UPRT: variants seen among roughly 807,000 people sequenced by gnomAD.
The protein encoded by UPRT is uracil phosphoribosyltransferase homolog.
In UPRT, 5 loss-of-function variants were observed where a neutral mutation model predicts 22.6. The observed-to-expected ratio is 0.22, with a 90% CI of 0.12 to 0.47. The LOEUF is 0.47. Among genes scored for constraint, UPRT ranks in the 20% least tolerant of loss-of-function variants. UPRT has a pLI of 0.99. For missense variants in UPRT, 181 were observed against 239.9 expected, an observed-to-expected ratio of 0.75 and a Z score of 1.62; for synonymous variants, 77 against 87.7, an observed-to-expected ratio of 0.88 and a Z score of 0.68.
intron 4 of UPRT, among the ~76,000 whole-genome samples, chrX:75,212,205 C>T (rs1009335671): frequency 1.8e-5 from 2 of 112,447 alleles, no homozygotes; most frequent in African/African-American, 6.5e-5. Flanking sequence ...CTACAGAACT[C>T]TTTATCCAAA....
chrX:75,241,848 C>T (rs905950461), intron 4 of UPRT, among the ~76,000 whole-genome samples: 2 of 110,062 alleles, frequency 1.8e-5, no homozygotes, highest in Non-Finnish European at 1.9e-5. Flanking sequence ...TATATTCTCA[C>T]TTATAATTGG....
At chrX:75,286,710 G>C (rs777420785) in intron 1 of UPRT, among the ~76,000 whole-genome samples, 13 of 111,684 alleles carry the variant, frequency 1.2e-4, no homozygotes, top group South Asian at 3.8e-4. Context: ...GGAGTCACAG[G>C]GAGAGAAGTA....
intron 6 of UPRT, 61 bp from the exon 7 acceptor site, chrX:75,303,344 T>A (rs2082750838): frequency 3.3e-6 from 3 of 912,609 alleles, no homozygotes; most frequent in Non-Finnish European, 4.7e-6. Context: ...ACTACAAAAT[T>A]CCTGAATTAC....
intron 4 of UPRT, among the ~76,000 whole-genome samples, chrX:75,171,651 G>T (rs867189227): frequency 6.9e-5 from 7 of 101,648 alleles, no homozygotes; most frequent in African/African-American, 2.5e-4. Flanking sequence ...AAAGAAGGTT[G>T]TTTTTTTTTT....
intron 4 of UPRT, among the ~76,000 whole-genome samples, chrX:75,181,053 A>G (rs1236792583): frequency 9.0e-6 from 1 of 110,833 alleles, no homozygotes; most frequent in Non-Finnish European, 1.9e-5. Context: ...AAAGGGGTTC[A>G]GTTTCAGTCT....
intron 4 of UPRT, among the ~76,000 whole-genome samples, chrX:75,234,005 G>T: frequency 9.0e-6 from 1 of 111,414 alleles, no homozygotes; most frequent in African/African-American, 3.3e-5. Flanking sequence ...TGGATAAAGA[G>T]GCAAGACCCA....
chrX:75,245,468 T>C (rs183843800), intron 4 of UPRT, among the ~76,000 whole-genome samples: 151 of 110,275 alleles, frequency 1.4e-3, no homozygotes, highest in African/African-American at 4.6e-3. Context: ...TATAAAACAT[T>C]CTACCATAAA....
At chrX:75,203,910 C>T (rs2082355804) in intron 4 of UPRT, among the ~76,000 whole-genome samples, 2 of 111,497 alleles carry the variant, frequency 1.8e-5, no homozygotes. Flanking sequence ...TTCTTGCCTT[C>T]TATTTTAATA....
intron 4 of UPRT, among the ~76,000 whole-genome samples, chrX:75,213,625 A>G (rs2082385278): frequency 8.9e-6 from 1 of 111,820 alleles, no homozygotes; most frequent in African/African-American, 3.2e-5. Flanking sequence ...AAAAAGATAA[A>G]TGGATGGAGA....
intron 4 of UPRT, among the ~76,000 whole-genome samples, chrX:75,245,964 A>G (rs1416366452): frequency 8.9e-6 from 1 of 112,062 alleles, no homozygotes; most frequent in Non-Finnish European, 1.9e-5. Context: ...ACAAATAAAT[A>G]TAATTTAAAC....
intron 4 of UPRT, among the ~76,000 whole-genome samples, chrX:75,177,749 T>A (rs2147607768): frequency 8.9e-6 from 1 of 112,005 alleles, no homozygotes; most frequent in Admixed American, 9.4e-5. Flanking sequence ...TTCCAGGTAG[T>A]CCCCACTACA....
At chrX:75,278,480 T>C (rs1302079525) in intron 1 of UPRT, among the ~76,000 whole-genome samples, 3 of 111,474 alleles carry the variant, frequency 2.7e-5, no homozygotes, top group Non-Finnish European at 3.8e-5. Flanking sequence ...ATTTATGTCG[T>C]TTTGTTGTTG....
At chrX:75,205,264 G>A (rs1281373857) in intron 4 of UPRT, among the ~76,000 whole-genome samples, 1 of 108,891 alleles carries the variant, frequency 9.2e-6, no homozygotes, top group Non-Finnish European at 1.9e-5. Context: ...CGGCTACTCG[G>A]GAGGCTGAGG....
At chrX:75,282,158 C>G (rs1007977401) in intron 1 of UPRT, among the ~76,000 whole-genome samples, 1 of 110,338 alleles carries the variant, frequency 9.1e-6, no homozygotes, top group African/African-American at 3.3e-5. Flanking sequence ...TTTCTCTCTT[C>G]TTGGTTAATC....
At chrX:75,296,289 C>T (rs1053201751) in intron 2 of UPRT, 53 bp from the exon 3 acceptor site, 31 of 1,103,788 alleles carry the variant, frequency 2.8e-5, no homozygotes, top group Non-Finnish European at 3.7e-5. Flanking sequence ...AAGCTAACAG[C>T]TAACAGGAGA....
At position 75,245,266 on chromosome X, in the gene UPRT, TA is replaced by T. The variant is rs766688686; in HGVS notation, c.-446-45742del. On this transcript the variant is annotated intron_variant, in intron 4 of 13. Transcript: ENST00000652605. ...AGTCAGAATGGCTATTACTAAAAAG[TA>T]AAAAAAAAAAAAAAAGAAAAGGAAA... 7.5e-3 allele frequency among the ~76,000 whole-genome samples: 490 copies of T among 65,347 alleles called. 1 individual carries two copies. Among genetic ancestry groups the T allele is most frequent in the South Asian group, 0.036 (56 of 1,577 alleles). 56.7% of individuals were successfully genotyped at this position (65,347 alleles called of 115,157 possible).
intron 4 of UPRT, among the ~76,000 whole-genome samples, chrX:75,195,073 A>C (rs1665021925): frequency 9.0e-6 from 1 of 111,587 alleles, no homozygotes; most frequent in Admixed American, 9.4e-5. Flanking sequence ...CCCCCTACAC[A>C]CAGACACCAG....
chrX:75,159,139 T>C (rs1379179483), intron 1 of UPRT, among the ~76,000 whole-genome samples: 1 of 112,011 alleles, frequency 8.9e-6, no homozygotes, highest in Non-Finnish European at 1.9e-5. Context: ...TCTTACCTTC[T>C]GATAACCACT....
At chrX:75,238,903 A>G (rs1417514348) in intron 4 of UPRT, among the ~76,000 whole-genome samples, 1 of 111,842 alleles carries the variant, frequency 8.9e-6, no homozygotes, top group East Asian at 2.8e-4. Context: ...TTAAAAAATC[A>G]TTTGAACTGA....
Sources: allele counts gnomAD v4.1 joint callset (sites outside exome capture counted in the v4.1 genomes callset), GRCh38; gene constraint gnomAD v4.1.1; transcripts MANE v1.5; gene names NCBI Gene and HGNC (gene_info 2026-07-23, HGNC 2026-07-21).